The following PPFIBP1 variants were observed in gnomAD, a reference collection of about 807,000 sequenced individuals.
The protein encoded by PPFIBP1 is PPFIB scaffold protein 1.
Under a neutral mutation model 137.8 loss-of-function variants are expected in PPFIBP1, and 112 were observed. The observed-to-expected ratio is 0.81, with a 90% CI of 0.70 to 0.95. The LOEUF (loss-of-function observed/expected upper bound fraction) is 0.95. PPFIBP1 is among the 40% of genes least tolerant of loss of function. PPFIBP1 has a pLI of 0.00. For missense variants in PPFIBP1, 1,083 were observed against 1,196.6 expected (o/e 0.91, Z 1.40); for synonymous variants, 378 against 417.3 (o/e 0.91, Z 1.15).
intron 2 of PPFIBP1, among the ~76,000 whole-genome samples, chr12:27,607,309 C>G (rs2054616067): frequency 6.6e-6 from 1 of 152,176 alleles, no homozygotes; most frequent in African/African-American, 2.4e-5. Flanking sequence ...AAGTGCATGT[C>G]CACCTCGTGG....
At position 27,689,222 on chromosome 12, in the gene PPFIBP1, G is replaced by A. The variant is rs540134586; in HGVS notation, c.2685+19G>A. 5.3e-6 allele frequency: 8 copies of A among 1,515,432 alleles called. No individual in the cohort carries two copies. Among genetic ancestry groups the A allele is most frequent in the Non-Finnish European group, 7.0e-6 (8 of 1,137,754 alleles). The allele number at this position is 1,515,432 out of a possible 1,614,324, so 93.9% of individuals were successfully genotyped here. ...AGTGAAGGTTGGTTCAGGCTCATAC[G>A]GTTTAATAATTGCTTGGCGCAAAGG... On this transcript the variant is annotated intron_variant, in intron 27 of 29. Transcript: ENST00000228425.
chr12:27,659,567 A>G (rs2059415910), intron 10 of PPFIBP1, among the ~76,000 whole-genome samples: 1 of 151,862 alleles, frequency 6.6e-6, no homozygotes, highest in South Asian at 2.1e-4. Flanking sequence ...GGCTGCAGTG[A>G]GCTATGATCT....
chr12:27,575,812 T>C (rs2136798337), intron 1 of PPFIBP1, among the ~76,000 whole-genome samples: 1 of 152,326 alleles, frequency 6.6e-6, no homozygotes, highest in East Asian at 1.9e-4. Flanking sequence ...AACTTGTCAT[T>C]GAGATTTTTT....
intron 12 of PPFIBP1, among the ~76,000 whole-genome samples, chr12:27,665,482 T>C (rs1457045298): frequency 6.6e-6 from 1 of 151,968 alleles, no homozygotes; most frequent in East Asian, 1.9e-4. Context: ...TTGGGCTGGG[T>C]AAGGGGGATT....
chr12:27,639,891 C>A (rs752068781), intron 4 of PPFIBP1, among the ~76,000 whole-genome samples: 35 of 152,166 alleles, frequency 2.3e-4, no homozygotes, highest in Non-Finnish European at 4.3e-4. Flanking sequence ...TGACTCCCAG[C>A]CCCACGAAGC....
intron 25 of PPFIBP1, 174 bp from the exon 26 acceptor site, chr12:27,688,124 T>C (rs1237824367): frequency 1.4e-6 from 1 of 720,162 alleles, no homozygotes; most frequent in Admixed American, 2.6e-5. Context: ...AGCAATGCTT[T>C]ATTAGTATAT....
intron 27 of PPFIBP1, among the ~76,000 whole-genome samples, chr12:27,690,293 G>T (rs1014638701): frequency 1.3e-5 from 2 of 151,986 alleles, no homozygotes; most frequent in Non-Finnish European, 2.9e-5. Context: ...TATACATGGG[G>T]GTCTTGGAAC....
chr12:27,638,521 G>T (rs1336139536), intron 4 of PPFIBP1, among the ~76,000 whole-genome samples: 1 of 152,148 alleles, frequency 6.6e-6, no homozygotes, highest in East Asian at 1.9e-4. Flanking sequence ...GTAAAATGGG[G>T]ATGATGGTTA....
At chr12:27,540,307 G>C (rs1385391960) in intron 1 of PPFIBP1, among the ~76,000 whole-genome samples, 1 of 151,268 alleles carries the variant, frequency 6.6e-6, no homozygotes, top group Admixed American at 6.6e-5. Context: ...TTGTAAAGAT[G>C]AAACAAGATA....
intron 1 of PPFIBP1, among the ~76,000 whole-genome samples, chr12:27,541,459 A>C (rs906249597): frequency 4.6e-5 from 7 of 152,166 alleles, no homozygotes; most frequent in Non-Finnish European, 1.0e-4. Context: ...ACACCTGGCA[A>C]GGGGTGTGTT....
intron 2 of PPFIBP1, among the ~76,000 whole-genome samples, chr12:27,606,601 T>G (rs2054549748): frequency 6.6e-6 from 1 of 152,168 alleles, no homozygotes; most frequent in African/African-American, 2.4e-5. Flanking sequence ...TTCGAAATGG[T>G]TTTGAAGCCC....
At chr12:27,676,292 G>C (rs2060505623) in intron 17 of PPFIBP1, 136 bp from the exon 18 acceptor site, 1 of 587,636 alleles carries the variant, frequency 1.7e-6, no homozygotes, top group Admixed American at 4.1e-5. Context: ...TTTGACATTG[G>C]TGATCAATGT....
intron 2 of PPFIBP1, among the ~76,000 whole-genome samples, chr12:27,578,832 A>G (rs939390870): frequency 2.0e-5 from 3 of 152,194 alleles, no homozygotes; most frequent in East Asian, 1.9e-4. Flanking sequence ...CCCTGACACT[A>G]CTTATTACCT....
rs1168617573 is a variant in PPFIBP1, at chr12:27,682,370, A to G, written c.2047-17A>G. 1 of 1,556,040 alleles carries G rather than the reference A, an allele frequency of 6.4e-7. No homozygotes were observed. Among genetic ancestry groups the G allele is most frequent in the Non-Finnish European group, 8.9e-7 (1 of 1,127,814 alleles). On this transcript the variant is annotated splice_polypyrimidine_tract_variant and intron_variant, in intron 22 of 29. Coordinates refer to ENST00000228425, the MANE Select transcript of PPFIBP1 (RefSeq NM_003622.4). Reference sequence around the variant, plus strand: ...CCTATACAGATAGAATTATAAAGTCAATGTTTATTGTTTCAGGAACTTGGA... The same window carrying G: ...CCTATACAGATAGAATTATAAAGTCGATGTTTATTGTTTCAGGAACTTGGA...
chr12:27,599,249 T>C (rs1036263666), intron 2 of PPFIBP1: 23 of 221,474 alleles, frequency 1.0e-4, no homozygotes, highest in South Asian at 2.6e-4. Flanking sequence ...AGATTGCCCT[T>C]CCCAGTGTGG....
chr12:27,685,649 T>C (rs1341858945), intron 24 of PPFIBP1, among the ~76,000 whole-genome samples: 1 of 152,134 alleles, frequency 6.6e-6, no homozygotes, highest in East Asian at 1.9e-4. Flanking sequence ...TCACAAAATA[T>C]GTGTTTTAAT....
At chr12:27,686,010 A>G (rs565298118) in intron 24 of PPFIBP1, among the ~76,000 whole-genome samples, 182 of 152,312 alleles carry the variant, frequency 1.2e-3, no homozygotes, top group Non-Finnish European at 2.2e-3. Context: ...CACACTGTAA[A>G]CATTGTGCAT....
At chr12:27,661,657 A>G (rs1030090324) in intron 11 of PPFIBP1, among the ~76,000 whole-genome samples, 2 of 152,210 alleles carry the variant, frequency 1.3e-5, no homozygotes, top group Admixed American at 6.5e-5. Context: ...ATCTGCCTGA[A>G]TGAATAGAAC....
At chr12:27,674,106 T>C (rs564064840) in intron 16 of PPFIBP1, 86 bp from the exon 17 acceptor site, 1 of 1,052,948 alleles carries the variant, frequency 9.5e-7, no homozygotes, top group South Asian at 1.5e-5. Flanking sequence ...TAAAATTATT[T>C]TAACTTATGG....
Sources: allele counts gnomAD v4.1 joint callset (sites outside exome capture counted in the v4.1 genomes callset), GRCh38; gene constraint gnomAD v4.1.1; transcripts MANE v1.5; gene names NCBI Gene and HGNC (gene_info 2026-07-23, HGNC 2026-07-21).